The following ERP44 variants were observed in gnomAD, a reference collection of about 807,000 sequenced individuals.
ERP44 encodes the protein endoplasmic reticulum protein 44, also known as endoplasmic reticulum resident protein 44.
Under a neutral mutation model 53.4 loss-of-function variants are expected in ERP44, and 25 were observed. That is an observed-to-expected ratio of 0.47 (90% CI 0.34 to 0.65). The LOEUF (loss-of-function observed/expected upper bound fraction) is 0.65. Among genes scored for constraint, ERP44 ranks in the 30% least tolerant of loss-of-function variants. The pLI, the probability that ERP44 is intolerant of heterozygous loss-of-function variation, is 0.01. For missense variants in ERP44, 338 were observed against 493.2 expected (o/e 0.69, Z 2.98); for synonymous variants, 145 against 161.2 (o/e 0.90, Z 0.76).
At chr9:100,067,124 T>G (rs1826218466) in intron 1 of ERP44, among the ~76,000 whole-genome samples, 1 of 152,096 alleles carries the variant, frequency 6.6e-6, no homozygotes, top group Admixed American at 6.5e-5. Flanking sequence ...AGAGCCTGTC[T>G]CTAAAAAAAC....
chr9:99,993,476 T>G (rs1486511903), intron 10 of ERP44, among the ~76,000 whole-genome samples: 1 of 152,218 alleles, frequency 6.6e-6, no homozygotes, highest in Non-Finnish European at 1.5e-5. Context: ...AAGCTGAAAC[T>G]GGATCCCTTC....
At chr9:99,986,774 T>C (rs1383077795) in intron 10 of ERP44, among the ~76,000 whole-genome samples, 1 of 152,238 alleles carries the variant, frequency 6.6e-6, no homozygotes, top group Non-Finnish European at 1.5e-5. Context: ...GTCAGGTAGC[T>C]GTATTGACAG....
At chr9:100,003,612 T>C (rs538183268) in intron 10 of ERP44, among the ~76,000 whole-genome samples, 32 of 150,368 alleles carry the variant, frequency 2.1e-4, no homozygotes, top group Non-Finnish European at 3.8e-4. Context: ...AGCCTGAAAC[T>C]TGGGTCCACA....
chr9:100,015,704 T>C (rs902254466), intron 8 of ERP44, among the ~76,000 whole-genome samples: 7 of 152,234 alleles, frequency 4.6e-5, no homozygotes, highest in African/African-American at 1.7e-4. Flanking sequence ...CCCACCTTTT[T>C]GGCACCAGGG....
intron 11 of ERP44, among the ~76,000 whole-genome samples, chr9:99,983,898 G>A (rs550100555): frequency 4.6e-5 from 7 of 152,240 alleles, no homozygotes; most frequent in African/African-American, 1.7e-4. Flanking sequence ...ACACAAAGAT[G>A]AACAAATGTA....
chr9:99,991,972 C>T (rs992620520), intron 10 of ERP44, among the ~76,000 whole-genome samples: 11 of 152,196 alleles, frequency 7.2e-5, no homozygotes, highest in Middle Eastern at 3.4e-3. Flanking sequence ...ACCAGGAAGA[C>T]GTTGAATCCC....
intron 1 of ERP44, among the ~76,000 whole-genome samples, chr9:100,072,544 T>TA (rs1564103449): frequency 6.6e-6 from 1 of 152,114 alleles, no homozygotes; most frequent in Non-Finnish European, 1.5e-5. Context: ...TCTTTTGAGA[T>TA]AGAGTTTTGC....
intron 8 of ERP44, among the ~76,000 whole-genome samples, chr9:100,013,375 GTAATAA>G (rs1051724637): frequency 6.7e-6 from 1 of 148,394 alleles, no homozygotes; most frequent in Non-Finnish European, 1.5e-5. Context: ...AAAAACCAGA[GTAATAA>G]TAATAATAAT....
intron 1 of ERP44, among the ~76,000 whole-genome samples, chr9:100,086,124 G>C (rs890828450): frequency 6.6e-6 from 1 of 152,132 alleles, no homozygotes; most frequent in African/African-American, 2.4e-5. Context: ...TAATAGAAAC[G>C]ATGTTTTTCT....
At chr9:100,069,106 A>T (rs930627688) in intron 1 of ERP44, among the ~76,000 whole-genome samples, 2 of 151,982 alleles carry the variant, frequency 1.3e-5, no homozygotes, top group East Asian at 3.9e-4. Flanking sequence ...GCTCCTTAAG[A>T]GTCATCACCA....
chr9:100,080,719 G>A (rs1456890099), intron 1 of ERP44, among the ~76,000 whole-genome samples: 3 of 152,106 alleles, frequency 2.0e-5, no homozygotes, highest in African/African-American at 7.2e-5. Flanking sequence ...TCCTGGCTAT[G>A]GAAGTTCATG....
At chr9:100,026,829 A>G (rs1265825460) in intron 4 of ERP44, among the ~76,000 whole-genome samples, 2 of 152,164 alleles carry the variant, frequency 1.3e-5, no homozygotes, top group African/African-American at 4.8e-5. Context: ...TCTGGCAGAG[A>G]GGATATGAGA....
At chr9:100,010,208 T>C (rs1226238644) in intron 8 of ERP44, among the ~76,000 whole-genome samples, 1 of 152,218 alleles carries the variant, frequency 6.6e-6, no homozygotes, top group African/African-American at 2.4e-5. Context: ...ACTATGTCCA[T>C]ACAAGCATAT....
At chr9:99,989,480 A>G (rs1564083859) in intron 10 of ERP44, among the ~76,000 whole-genome samples, 1 of 152,256 alleles carries the variant, frequency 6.6e-6, no homozygotes, top group African/African-American at 2.4e-5. Context: ...ACTAACAAAC[A>G]GAAAGGAATA....
At chr9:100,046,519 T>G (rs953755279) in intron 4 of ERP44, among the ~76,000 whole-genome samples, 3 of 152,084 alleles carry the variant, frequency 2.0e-5, no homozygotes, top group Non-Finnish European at 4.4e-5. Flanking sequence ...TCATTTACAA[T>G]AGCATCAAAA....
chr9:100,067,181 C>T (rs948814049), intron 1 of ERP44, among the ~76,000 whole-genome samples: 6 of 152,044 alleles, frequency 3.9e-5, no homozygotes, highest in Non-Finnish European at 5.9e-5. Flanking sequence ...CTCCCTCTCC[C>T]TCTCCCTCTC....
intron 9 of ERP44, among the ~76,000 whole-genome samples, chr9:100,007,054 G>A (rs1212292645): frequency 6.6e-6 from 1 of 152,198 alleles, no homozygotes; most frequent in African/African-American, 2.4e-5. Flanking sequence ...CAACCTGCAA[G>A]ATAGTATGTG....
chr9:100,055,982 G>A (rs1758836596), intron 3 of ERP44, among the ~76,000 whole-genome samples: 1 of 152,212 alleles, frequency 6.6e-6, no homozygotes, highest in Admixed American at 6.5e-5. Context: ...ATATAAAAGA[G>A]TATTAATTCA....
intron 4 of ERP44, among the ~76,000 whole-genome samples, chr9:100,048,623 G>C (rs1826002868): frequency 6.6e-6 from 1 of 152,188 alleles, no homozygotes; most frequent in Non-Finnish European, 1.5e-5. Flanking sequence ...GAATCAACCA[G>C]TGTTCTTGAT....
Sources: allele counts gnomAD v4.1 joint callset (sites outside exome capture counted in the v4.1 genomes callset), GRCh38; gene constraint gnomAD v4.1.1; transcripts MANE v1.5; gene names NCBI Gene and HGNC (gene_info 2026-07-23, HGNC 2026-07-21).